ULK4: variants seen among roughly 807,000 people sequenced by gnomAD.
The protein encoded by ULK4 is unc-51 like kinase 4, also known as inactive serine/threonine-protein kinase ULK4.
In ULK4, 133 loss-of-function variants were observed where a neutral mutation model predicts 160.6. That is an observed-to-expected ratio of 0.83 (90% CI 0.72 to 0.96). The LOEUF (loss-of-function observed/expected upper bound fraction) is 0.96, where lower values mean the gene tolerates loss of function less well. ULK4 is among the 40% of genes least tolerant of loss of function. The probability of loss-of-function intolerance (pLI) is 0.00; values close to 1 mark genes in which losing one functional copy is unlikely to be tolerated. For synonymous variants in ULK4, 534 were observed against 539.8 expected (o/e 0.99, Z 0.15); for missense variants, 1,580 against 1,499.5 (o/e 1.05, Z -0.89).
intron 35 of ULK4, among the ~76,000 whole-genome samples, chr3:41,351,976 G>A (rs748307436): frequency 9.8e-5 from 15 of 152,300 alleles, no homozygotes; most frequent in Non-Finnish European, 1.8e-4. Context: ...TTGTGCCAAA[G>A]GACAATACAT....
intron 21 of ULK4, among the ~76,000 whole-genome samples, chr3:41,760,352 G>C (rs1301989490): frequency 1.3e-5 from 2 of 152,080 alleles, no homozygotes; most frequent in Admixed American, 6.6e-5. Context: ...AAAACAGTTT[G>C]GCAGTTTCAT....
chr3:41,663,848 C>T, intron 29 of ULK4, 149 bp from the exon 30 acceptor site: 1 of 634,940 alleles, frequency 1.6e-6, no homozygotes, highest in Admixed American at 2.8e-5. Flanking sequence ...CTCTCATGTG[C>T]CCCTTCTCAG....
intron 21 of ULK4, among the ~76,000 whole-genome samples, chr3:41,767,190 G>T (rs965743791): frequency 6.6e-6 from 1 of 152,108 alleles, no homozygotes; most frequent in Non-Finnish European, 1.5e-5. Context: ...GTAAAACACA[G>T]TTGTTTAAAA....
At chr3:41,398,564 T>C (rs2082114402) in intron 34 of ULK4, among the ~76,000 whole-genome samples, 1 of 150,838 alleles carries the variant, frequency 6.6e-6, no homozygotes, top group Non-Finnish European at 1.5e-5. Context: ...TTTTTTTTTT[T>C]TTTTTTTGGT....
chr3:41,599,187 TA>T (rs1021202665), intron 31 of ULK4, among the ~76,000 whole-genome samples: 58 of 152,260 alleles, frequency 3.8e-4, no homozygotes, highest in African/African-American at 1.3e-3. Context: ...GTCAGCTGAT[TA>T]GGATGAGGAT....
chr3:41,387,068 G>A (rs1228406957), intron 35 of ULK4, among the ~76,000 whole-genome samples: 1 of 151,936 alleles, frequency 6.6e-6, no homozygotes, highest in Non-Finnish European at 1.5e-5. Context: ...AAAATTTTAG[G>A]CAGTATATTT....
chr3:41,358,936 G>A (rs1236692864), intron 35 of ULK4, among the ~76,000 whole-genome samples: 1 of 152,182 alleles, frequency 6.6e-6, no homozygotes, highest in African/African-American at 2.4e-5. Flanking sequence ...CGGATTGGGT[G>A]GAGCAGTGGA....
At chr3:41,577,536 C>T (rs886880989) in intron 31 of ULK4, among the ~76,000 whole-genome samples, 3 of 151,792 alleles carry the variant, frequency 2.0e-5, no homozygotes, top group Non-Finnish European at 4.4e-5. Context: ...CTATACTCAC[C>T]CTGTTGTGTT....
intron 22 of ULK4, among the ~76,000 whole-genome samples, chr3:41,739,935 T>C (rs1054515654): frequency 6.6e-6 from 1 of 152,064 alleles, no homozygotes; most frequent in South Asian, 2.1e-4. Flanking sequence ...AAATTAACTA[T>C]TATATATGAT....
At chr3:41,508,794 C>G (rs1167078462) in intron 32 of ULK4, among the ~76,000 whole-genome samples, 1 of 152,152 alleles carries the variant, frequency 6.6e-6, no homozygotes, top group Non-Finnish European at 1.5e-5. Flanking sequence ...ATCAAGAGAG[C>G]ACCCTGTGGG....
At chr3:41,339,242 C>G (rs1410095921) in intron 35 of ULK4, among the ~76,000 whole-genome samples, 2 of 152,116 alleles carry the variant, frequency 1.3e-5, no homozygotes, top group African/African-American at 4.8e-5. Context: ...GTCCAGGGGC[C>G]TGCACCAGCA....
At chr3:41,646,559 T>G (rs1457850004) in intron 30 of ULK4, among the ~76,000 whole-genome samples, 1 of 152,256 alleles carries the variant, frequency 6.6e-6, no homozygotes, top group Non-Finnish European at 1.5e-5. Flanking sequence ...TGCTGAGAGA[T>G]CCGCTGTTAG....
chr3:41,364,802 G>T (rs1258585335), intron 35 of ULK4, among the ~76,000 whole-genome samples: 2 of 152,154 alleles, frequency 1.3e-5, no homozygotes, highest in African/African-American at 4.8e-5. Context: ...ACTAGATTCG[G>T]AAAAGTGAAA....
Position 41,944,419 on chromosome 3 carries a change from TAC to T in ULK4, c.139-6224_139-6223del, listed in dbSNP as rs767840558. On this transcript the variant is annotated intron_variant, in intron 2 of 36. Transcript: ENST00000301831. ...CATGCCACTGTACTCCAGTCTGGGC[TAC>T]AGAGTGAGATCCTGTCTAAAAAAAC... 3.3e-5 allele frequency among the ~76,000 whole-genome samples: 5 copies of T among 152,288 alleles called. No individual in the cohort carries two copies. In the South Asian group the frequency reaches 1.0e-3, roughly 32 times the overall value.
chr3:41,796,566 T>TGG (rs1364472025), intron 20 of ULK4, among the ~76,000 whole-genome samples: 3 of 151,884 alleles, frequency 2.0e-5, no homozygotes, highest in Admixed American at 1.3e-4. Context: ...TACTCCAGCC[T>TGG]GGGCAACAGA....
At chr3:41,436,705 C>T (rs572953491) in intron 34 of ULK4, among the ~76,000 whole-genome samples, 5 of 152,224 alleles carry the variant, frequency 3.3e-5, no homozygotes, top group East Asian at 1.9e-4. Flanking sequence ...CAAGTGGGAC[C>T]GAGCAACCAC....
At position 41,681,937 on chromosome 3, in the gene ULK4, G is replaced by T. The variant is rs73828219; in HGVS notation, c.2782-133C>A. ...AAAAGCAACGGCTAAGTTTATCCTG[G>T]ATTTAAACTCTCCATGACATTTAAT... is the stretch of plus-strand genomic sequence containing the variant. On this transcript the variant is annotated intron_variant, in intron 27 of 36. Coordinates refer to ENST00000301831, the MANE Select transcript of ULK4 (RefSeq NM_017886.4). The T allele has an allele frequency of 1.6e-3, 1,347 of 860,698 alleles. 12 individuals carry two copies. The African/African-American group carries it at 0.021, about 14-fold the overall frequency. The allele number at this position is 860,698 out of a possible 1,614,324, so 53.3% of individuals were successfully genotyped here. A position where few individuals can be genotyped will look rare whatever the true frequency, so the allele number is the denominator to read the frequency against.
chr3:41,635,057 G>A (rs1280293840), intron 30 of ULK4, among the ~76,000 whole-genome samples: 1 of 152,142 alleles, frequency 6.6e-6, no homozygotes, highest in Non-Finnish European at 1.5e-5. Flanking sequence ...CGGTCAAAAA[G>A]AATGGGTTAA....
chr3:41,694,746 T>C (rs2036430486), intron 27 of ULK4, among the ~76,000 whole-genome samples: 1 of 152,218 alleles, frequency 6.6e-6, no homozygotes. Flanking sequence ...GCCAGCTAAA[T>C]AGTTGTTATA....
Sources: gnomAD v4.1 joint callset for allele counts (sites outside exome capture counted in the v4.1 genomes callset) on GRCh38, gnomAD v4.1.1 for gene constraint, MANE v1.5 for transcripts, NCBI Gene and HGNC (gene_info 2026-07-23, HGNC 2026-07-21) for gene names.